MAMLD1: variants seen among roughly 807,000 people sequenced by gnomAD.
The protein encoded by MAMLD1 is mastermind like domain containing 1.
In MAMLD1, 14 loss-of-function variants were observed where a neutral mutation model predicts 45.0. The ratio of observed to expected loss-of-function variants is 0.31; its 90% confidence interval spans 0.21 to 0.49. The LOEUF (loss-of-function observed/expected upper bound fraction) is 0.49, where lower values mean the gene tolerates loss of function less well. Ranked by LOEUF, MAMLD1 falls within the 20% of genes least tolerant of loss-of-function variation. The probability of loss-of-function intolerance (pLI) is 0.99; values close to 1 mark genes in which losing one functional copy is unlikely to be tolerated. For synonymous variants in MAMLD1, 254 were observed against 247.8 expected (o/e 1.02, Z -0.24); for missense variants, 543 against 603.6 (o/e 0.90, Z 1.05).
chrX:150,403,976 G>GAA (rs1177479648), intron 1 of MAMLD1, among the ~76,000 whole-genome samples: 1 of 92,313 alleles, frequency 1.1e-5, no homozygotes, highest in Non-Finnish European at 2.1e-5. Flanking sequence ...AAGAAAGAAA[G>GAA]AAAGAAAGAA....
At chrX:150,376,202 A>G (rs1557401462) in intron 1 of MAMLD1, among the ~76,000 whole-genome samples, 5 of 112,281 alleles carry the variant, frequency 4.5e-5, no homozygotes, top group Non-Finnish European at 9.4e-5. Flanking sequence ...TACTTAAAAT[A>G]TTTGAAAAGG....
At chrX:150,362,006 C>A (rs1196955906), upstream of MAMLD1, among the ~76,000 whole-genome samples, 10 of 112,493 alleles carry the variant, frequency 8.9e-5, no homozygotes, top group Non-Finnish European at 1.7e-4. Context: ...TGGCGGGCGA[C>A]GCCGACAGCG....
intron 2 of MAMLD1, among the ~76,000 whole-genome samples, chrX:150,448,329 G>A (rs1346930013): frequency 1.8e-5 from 2 of 112,071 alleles, no homozygotes; most frequent in African/African-American, 6.5e-5. Flanking sequence ...TGATAACCCT[G>A]GGAAGAAGAA....
intron 1 of MAMLD1, among the ~76,000 whole-genome samples, chrX:150,376,436 A>C (rs2032318377): frequency 9.0e-6 from 1 of 111,025 alleles, no homozygotes; most frequent in African/African-American, 3.3e-5. Context: ...GCTGAAGAAA[A>C]ATATCATGCT....
At position 150,498,915 on chromosome X, in the gene MAMLD1, G is replaced by A. The variant is rs782791305; in HGVS notation, c.2041-4359G>A. On this transcript the variant is annotated intron_variant, in intron 5 of 7. Transcript: ENST00000370401. The stretch of plus-strand genomic sequence containing the variant: ...TTACATTACGTTTTCCTGTTTCCCC[G>A]GTGCATTATTTCAAATTCACAAAGT... Among the ~76,000 whole-genome samples, 5 of 112,136 alleles carry A rather than the reference G, an allele frequency of 4.5e-5. No homozygotes were observed. The East Asian group carries it at 1.1e-3, about 25-fold the overall frequency.
chrX:150,400,937 T>C (rs1163488410), intron 1 of MAMLD1, among the ~76,000 whole-genome samples: 3 of 109,045 alleles, frequency 2.8e-5, no homozygotes, highest in African/African-American at 1.0e-4. Context: ...GTTGTGTCTC[T>C]GCCTGGCTTT....
chrX:150,403,996 G>GAAAGAA (rs1244362021), intron 1 of MAMLD1, among the ~76,000 whole-genome samples: 62 of 73,931 alleles, frequency 8.4e-4, no homozygotes, highest in African/African-American at 2.9e-3. Context: ...AAGAAAGAAA[G>GAAAGAA]AAGAAAGGAA....
intron 5 of MAMLD1, among the ~76,000 whole-genome samples, chrX:150,487,113 A>T (rs782285474): frequency 3.6e-5 from 4 of 111,673 alleles, no homozygotes; most frequent in Non-Finnish European, 5.6e-5. Context: ...TGCTGCTGCT[A>T]GTACAAGGAC....
chrX:150,480,758 C>T (rs1557407126), intron 5 of MAMLD1, among the ~76,000 whole-genome samples: 2 of 112,035 alleles, frequency 1.8e-5, no homozygotes, highest in African/African-American at 6.5e-5. Context: ...GCTAGGTGCA[C>T]AGGAAAAATA....
intron 1 of MAMLD1, among the ~76,000 whole-genome samples, chrX:150,439,176 GT>G (rs1170535146): frequency 8.9e-6 from 1 of 111,769 alleles, no homozygotes; most frequent in African/African-American, 3.3e-5. Flanking sequence ...TCCTTTGCCT[GT>G]TTTTTATTGT....
At chrX:150,441,299 T>C (rs1242492979) in intron 1 of MAMLD1, among the ~76,000 whole-genome samples, 1 of 108,309 alleles carries the variant, frequency 9.2e-6, no homozygotes, top group African/African-American at 3.3e-5. Context: ...TCAGTATTAT[T>C]GATTTTTATT....
intron 1 of MAMLD1, among the ~76,000 whole-genome samples, chrX:150,414,488 G>A (rs1376630065): frequency 9.0e-6 from 1 of 111,402 alleles, no homozygotes; most frequent in African/African-American, 3.3e-5. Flanking sequence ...GGGACCTGGA[G>A]GCAAGTCCCA....
At chrX:150,483,552 C>T (rs1602975968) in intron 5 of MAMLD1, among the ~76,000 whole-genome samples, 1 of 112,545 alleles carries the variant, frequency 8.9e-6, no homozygotes, top group East Asian at 2.8e-4. Context: ...GCCGATGAAC[C>T]CATATTCTTG....
At chrX:150,402,929 G>T (rs919509651) in intron 1 of MAMLD1, among the ~76,000 whole-genome samples, 20 of 110,664 alleles carry the variant, frequency 1.8e-4, no homozygotes, top group African/African-American at 6.3e-4. Flanking sequence ...TTGTGGGGTG[G>T]GGGGAGGAAG....
chrX:150,413,630 A>C (rs1195378138), intron 1 of MAMLD1, among the ~76,000 whole-genome samples: 2 of 109,135 alleles, frequency 1.8e-5, no homozygotes, highest in Non-Finnish European at 3.8e-5. Context: ...CAACCTATCT[A>C]TATGAATCAC....
At chrX:150,423,285 G>A (rs782744922) in intron 1 of MAMLD1, among the ~76,000 whole-genome samples, 67 of 110,769 alleles carry the variant, frequency 6.0e-4, no homozygotes, top group Non-Finnish European at 1.2e-3. Context: ...AGTTGTTCCT[G>A]TAGGGTAAGT....
Position 150,513,802 on chromosome X carries a change from C to T in MAMLD1, c.*1843C>T. 1 of 297,550 alleles carries T rather than the reference C, an allele frequency of 3.4e-6. No individual in the cohort carries two copies. The highest frequency in any genetic ancestry group is 5.9e-6 in the Non-Finnish European group (1 of 170,369). The allele number at this position is 297,550 out of a possible 1,213,427, so 24.5% of individuals were successfully genotyped here. On this transcript the variant is annotated 3_prime_UTR_variant, in exon 8 of 8. Transcript: ENST00000370401. ...AGCTAGAGTATCCTCCTCCCTTTAC[C>T]ATTCAGACCGAGAGAAAAAGCCCAG...
chrX:150,508,841 G>A (rs1337167376), intron 6 of MAMLD1, among the ~76,000 whole-genome samples: 1 of 112,149 alleles, frequency 8.9e-6, no homozygotes, highest in African/African-American at 3.2e-5. Context: ...CTTGGTGGTT[G>A]AGAAGGGGAG....
intron 1 of MAMLD1, among the ~76,000 whole-genome samples, chrX:150,400,394 C>T (rs1368520220): frequency 8.9e-6 from 1 of 111,885 alleles, no homozygotes; most frequent in Non-Finnish European, 1.9e-5. Flanking sequence ...ACAATCATAT[C>T]GTCTGCAAAC....
Sources: gnomAD v4.1 joint callset for allele counts (sites outside exome capture counted in the v4.1 genomes callset) on GRCh38, gnomAD v4.1.1 for gene constraint, MANE v1.5 for transcripts, NCBI Gene and HGNC (gene_info 2026-07-23, HGNC 2026-07-21) for gene names.